The following ZBTB20 variants were observed in gnomAD, a reference collection of about 807,000 sequenced individuals.
ZBTB20 encodes the protein zinc finger and BTB domain containing 20, also known as zinc finger and BTB domain-containing protein 20.
In ZBTB20, 9 loss-of-function variants were observed where a neutral mutation model predicts 56.9. The observed-to-expected ratio is 0.16, with a 90% confidence interval of 0.10 to 0.28. The LOEUF (loss-of-function observed/expected upper bound fraction) is 0.28. Among genes scored for constraint, ZBTB20 ranks in the 10% least tolerant of loss-of-function variants. The pLI is 1.00. For synonymous variants in ZBTB20, 417 were observed against 420.7 expected, an observed-to-expected ratio of 0.99 and a Z score of 0.11; for missense variants, 655 against 1,003.0, an observed-to-expected ratio of 0.65 and a Z score of 4.69.
chr3:114,728,039 T>C (rs946266907), intron 5 of ZBTB20, among the ~76,000 whole-genome samples: 3 of 152,038 alleles, frequency 2.0e-5, no homozygotes, highest in Non-Finnish European at 2.9e-5. Context: ...CACAGAAAAA[T>C]AGACAATCAA....
rs184567314 is a variant in ZBTB20 at position 114,403,907 on chromosome 3, C to T, written c.-254-14802G>A. Among the ~76,000 whole-genome samples, 1,105 of 152,052 alleles carry T rather than the reference C, an allele frequency of 7.3e-3. 9 individuals are homozygous for T. Among genetic ancestry groups the T allele is most frequent in the Non-Finnish European group, 6.4e-3 (438 of 67,974 alleles). ...CTTGGGCAAGTCATGAAACTTCTCTCGAGTCTCATTTTTCTCATATATAAT... is the reference window on the plus strand; with the variant it reads ...CTTGGGCAAGTCATGAAACTTCTCTTGAGTCTCATTTTTCTCATATATAAT... On this transcript the variant is annotated intron_variant, in intron 7 of 11. Coordinates refer to ENST00000675478, the MANE Select transcript of ZBTB20 (RefSeq NM_001348800.3).
intron 6 of ZBTB20, among the ~76,000 whole-genome samples, chr3:114,535,100 C>T (rs28859691): frequency 1.5e-4 from 23 of 152,098 alleles, no homozygotes; most frequent in African/African-American, 4.3e-4. Context: ...CAAGAGCACA[C>T]AAATTCAAAA....
At chr3:114,530,694 TA>T (rs1431506565) in intron 6 of ZBTB20, among the ~76,000 whole-genome samples, 7 of 152,218 alleles carry the variant, frequency 4.6e-5, no homozygotes, top group Non-Finnish European at 8.8e-5. Context: ...TTACAGGTAT[TA>T]ACTACTGTCT....
chr3:115,103,565 A>G (rs2083641573), intron 1 of ZBTB20, among the ~76,000 whole-genome samples: 1 of 152,234 alleles, frequency 6.6e-6, no homozygotes, highest in South Asian at 2.1e-4. Context: ...TAGTCAACTG[A>G]TCTTTGACTT....
chr3:114,815,375 A>G (rs1381268772), intron 4 of ZBTB20, among the ~76,000 whole-genome samples: 2 of 152,214 alleles, frequency 1.3e-5, no homozygotes, highest in Non-Finnish European at 2.9e-5. Context: ...ATGAGGAAAG[A>G]TTACGAGCAT....
At chr3:114,557,778 T>C (rs2051441413) in intron 6 of ZBTB20, among the ~76,000 whole-genome samples, 1 of 151,884 alleles carries the variant, frequency 6.6e-6, no homozygotes. Flanking sequence ...TATATATGAA[T>C]GTGATTGAGA....
At chr3:114,513,653 C>T (rs550542338) in intron 6 of ZBTB20, among the ~76,000 whole-genome samples, 14 of 152,140 alleles carry the variant, frequency 9.2e-5, no homozygotes, top group African/African-American at 3.4e-4. Context: ...TTTTATGGAA[C>T]AAATTGCTAG....
intron 7 of ZBTB20, among the ~76,000 whole-genome samples, chr3:114,412,762 C>T (rs923563858): frequency 6.6e-6 from 1 of 152,126 alleles, no homozygotes; most frequent in African/African-American, 2.4e-5. Flanking sequence ...CAAATTGGCT[C>T]AGAAAACATC....
intron 1 of ZBTB20, among the ~76,000 whole-genome samples, chr3:115,139,527 G>T (rs2084750803): frequency 6.6e-6 from 1 of 151,850 alleles, no homozygotes; most frequent in Non-Finnish European, 1.5e-5. Context: ...ATCTGTGCAT[G>T]GATATAATAT....
intron 6 of ZBTB20, chr3:114,658,946 T>TG (rs1391947112): frequency 6.6e-6 from 1 of 152,222 alleles, no homozygotes; most frequent in Non-Finnish European, 1.5e-5. Context: ...AACAAATGAA[T>TG]AGCAACACAA....
intron 6 of ZBTB20, among the ~76,000 whole-genome samples, chr3:114,597,232 C>T (rs556690195): frequency 6.6e-6 from 1 of 152,226 alleles, no homozygotes; most frequent in African/African-American, 2.4e-5. Flanking sequence ...GGGTTTATTG[C>T]ACGATATTAA....
At chr3:115,010,514 A>G (rs2079655651) in intron 2 of ZBTB20, among the ~76,000 whole-genome samples, 1 of 151,970 alleles carries the variant, frequency 6.6e-6, no homozygotes. Context: ...CTGGTAATCA[A>G]GAGAATTCTC....
chr3:114,617,466 C>T (rs1382525089), intron 6 of ZBTB20, among the ~76,000 whole-genome samples: 1 of 152,220 alleles, frequency 6.6e-6, no homozygotes, highest in African/African-American at 2.4e-5. Flanking sequence ...CAGCTGAACA[C>T]TCACTGTGCC....
chr3:114,721,461 G>A (rs1264604457), intron 5 of ZBTB20, among the ~76,000 whole-genome samples: 1 of 152,150 alleles, frequency 6.6e-6, no homozygotes, highest in African/African-American at 2.4e-5. Flanking sequence ...TAGAGACATT[G>A]TGGAGGAAAA....
At chr3:114,726,241 T>A (rs1025193888) in intron 5 of ZBTB20, among the ~76,000 whole-genome samples, 21 of 152,100 alleles carry the variant, frequency 1.4e-4, no homozygotes, top group African/African-American at 4.8e-4. Flanking sequence ...GGTGGGGTGT[T>A]TTGATATGAA....
intron 5 of ZBTB20, among the ~76,000 whole-genome samples, chr3:114,699,449 T>C (rs1192199878): frequency 6.6e-6 from 1 of 151,942 alleles, no homozygotes; most frequent in Non-Finnish European, 1.5e-5. Flanking sequence ...CAGTTTTTTT[T>C]TGGAAAAAAA....
At chr3:114,945,080 A>T (rs7618062) in intron 3 of ZBTB20, among the ~76,000 whole-genome samples, 2,872 of 145,802 alleles carry the variant, frequency 0.02, 113 homozygotes, top group Non-Finnish European at 0.031. Flanking sequence ...ATCACACTGT[A>T]TCTCATAAAT....
intron 5 of ZBTB20, among the ~76,000 whole-genome samples, chr3:114,791,214 C>T (rs1432581484): frequency 6.6e-6 from 1 of 152,086 alleles, no homozygotes; most frequent in Non-Finnish European, 1.5e-5. Context: ...CCAGATAGCC[C>T]CATACTCTTT....
At chr3:114,792,466 T>C (rs552950433) in intron 5 of ZBTB20, among the ~76,000 whole-genome samples, 5 of 152,234 alleles carry the variant, frequency 3.3e-5, no homozygotes, top group African/African-American at 7.2e-5. Context: ...GCTCAAGAAG[T>C]AGGGGGAAGA....
Sources: gnomAD v4.1 joint callset for allele counts (sites outside exome capture counted in the v4.1 genomes callset) on GRCh38, gnomAD v4.1.1 for gene constraint, MANE v1.5 for transcripts, NCBI Gene and HGNC (gene_info 2026-07-23, HGNC 2026-07-21) for gene names.